ETFA: variants seen among roughly 807,000 people sequenced by gnomAD.
ETFA encodes electron transfer flavoprotein subunit alpha, mitochondrial.
Under a neutral mutation model 46.2 loss-of-function variants are expected in ETFA, and 22 were observed. That is an observed-to-expected ratio of 0.48 (90% CI 0.34 to 0.68). The LOEUF (loss-of-function observed/expected upper bound fraction) is 0.68. ETFA is among the 30% of genes least tolerant of loss of function. The pLI is 0.01. For synonymous variants in ETFA, 131 were observed against 139.9 expected, an observed-to-expected ratio of 0.94 and a Z score of 0.45; for missense variants, 345 against 401.1, an observed-to-expected ratio of 0.86 and a Z score of 1.19.
intron 9 of ETFA, chr15:76,259,457 C>T (rs1166795224): frequency 1.1e-5 from 10 of 950,568 alleles, no homozygotes; most frequent in Admixed American, 8.5e-5. Context: ...ACTCTGGAAG[C>T]TGTTTCAGGT....
chr15:76,264,106 CACTCTTCCTTT>C (rs1324452964), intron 9 of ETFA, among the ~76,000 whole-genome samples: 1 of 152,206 alleles, frequency 6.6e-6, no homozygotes, highest in African/African-American at 2.4e-5. Context: ...CTAATTGGGC[CACTCTTCCTTT>C]TAAGTTTTAA....
rs773628079 is a variant in ETFA at position 76,286,467 on chromosome 15, T to C, written c.466A>G (p.Thr156Ala). The C allele has an allele frequency of 4.4e-5, 70 of 1,609,046 alleles. No homozygotes were observed. The highest frequency in any genetic ancestry group is 6.0e-5 in the Non-Finnish European group (70 of 1,175,506). The part of the protein sequence containing the change: ...RTIYAGNALC[T>A]VKCDEKVKVF... ...TTCACTTTCTCATCACACTTCACTG[T>C]ACATAGAGCATTTCCTGAAACATAC... is the stretch of plus-strand genomic sequence containing the variant. The change falls in exon 6 of 12, where the codon ACA becomes GCA. Residue 156 changes from threonine to alanine, a missense_variant. Physicochemically the swap from Thr to Ala is moderately conservative, Grantham distance 58. Transcript: ENST00000557943.
chr15:76,227,820 C>T, intron 10 of ETFA: 1 of 456,056 alleles, frequency 2.2e-6, no homozygotes, highest in South Asian at 1.5e-5. Flanking sequence ...CTGTGTATTT[C>T]CCTTAGAGGG....
At chr15:76,248,509 T>C (rs567642668) in intron 9 of ETFA, among the ~76,000 whole-genome samples, 1 of 152,052 alleles carries the variant, frequency 6.6e-6, no homozygotes, top group African/African-American at 2.4e-5. Flanking sequence ...ACACAAAAAA[T>C]ACATATCAAA....
intron 4 of ETFA, among the ~76,000 whole-genome samples, chr15:76,291,454 A>AC (rs1252947896): frequency 6.7e-6 from 1 of 149,372 alleles, no homozygotes. Context: ...TCGAAAAAAA[A>AC]AAAAAAAAAA....
chr15:76,269,743 T>A (rs1411217209), intron 9 of ETFA, among the ~76,000 whole-genome samples: 2 of 152,126 alleles, frequency 1.3e-5, no homozygotes, highest in Non-Finnish European at 2.9e-5. Context: ...AACACATTCC[T>A]AAAACTCTCA....
chr15:76,289,657 T>C (rs941322472), intron 4 of ETFA, among the ~76,000 whole-genome samples: 8 of 152,212 alleles, frequency 5.3e-5, no homozygotes, highest in African/African-American at 1.7e-4. Context: ...TGAGTTCTTT[T>C]TGTGCATAAA....
intron 9 of ETFA, among the ~76,000 whole-genome samples, chr15:76,262,862 AAAT>A (rs952616989): frequency 1.3e-5 from 2 of 152,154 alleles, no homozygotes; most frequent in African/African-American, 4.8e-5. Flanking sequence ...GGAACAATAC[AAAT>A]AATGGCTGAG....
intron 11 of ETFA, among the ~76,000 whole-genome samples, chr15:76,217,160 A>C (rs2038905005): frequency 6.6e-6 from 1 of 152,064 alleles, no homozygotes; most frequent in African/African-American, 2.4e-5. Flanking sequence ...TCAAGAAGGC[A>C]CCCTAGAAAC....
intron 11 of ETFA, among the ~76,000 whole-genome samples, chr15:76,218,294 T>C (rs373982851): frequency 1.9e-4 from 29 of 152,252 alleles, no homozygotes; most frequent in African/African-American, 5.8e-4. Flanking sequence ...CAAGACAGAG[T>C]TTTGCTCTTG....
chr15:76,233,686 G>A (rs2039093138), intron 9 of ETFA, among the ~76,000 whole-genome samples: 1 of 152,154 alleles, frequency 6.6e-6, no homozygotes, highest in Non-Finnish European at 1.5e-5. Context: ...CATTCATAAA[G>A]GGACATTTGT....
intron 8 of ETFA, among the ~76,000 whole-genome samples, chr15:76,281,281 A>G (rs2141525013): frequency 6.6e-6 from 1 of 152,268 alleles, no homozygotes; most frequent in African/African-American, 2.4e-5. Flanking sequence ...CTGGGATTCC[A>G]GGCATGAGCC....
At chr15:76,271,992 G>A (rs975562990) in intron 9 of ETFA, among the ~76,000 whole-genome samples, 1 of 151,596 alleles carries the variant, frequency 6.6e-6, no homozygotes, top group African/African-American at 2.4e-5. Context: ...TTATGTCAAA[G>A]TCTTCAAAGC....
chr15:76,272,673 C>G (rs1407263099), intron 9 of ETFA, among the ~76,000 whole-genome samples: 3 of 151,864 alleles, frequency 2.0e-5, no homozygotes, highest in Non-Finnish European at 2.9e-5. Flanking sequence ...ACCTGCAGTC[C>G]CAGCCACTCA....
Position 76,274,463 on chromosome 15 carries a change from G to A in ETFA, c.765C>T (p.Gly255=). 6.2e-7 allele frequency: 1 copy of A among 1,611,812 alleles called. No individual in the cohort carries two copies. The highest frequency in any genetic ancestry group is 8.5e-7 in the Non-Finnish European group (1 of 1,178,700). ...CAACTTGCATGTCATTGGGAACAAA[G>A]CCAGCATCAACAGCAGCACGGGAAG... ...VGASRAAVDA[G]FVPNDMQVGQ... The change falls in exon 9 of 12, where the codon GGC becomes GGT. Residue 255 remains glycine, a synonymous_variant. Transcript: ENST00000557943.
intron 1 of ETFA, among the ~76,000 whole-genome samples, chr15:76,301,529 A>C (rs771815676): frequency 5.3e-5 from 8 of 152,176 alleles, no homozygotes; most frequent in Non-Finnish European, 1.0e-4. Context: ...TGGTCAGTAG[A>C]GTGAAACCCC....
rs547014052 is a variant in ETFA, at chr15:76,267,085, A to C, written c.816+7327T>G. Reference sequence around the variant, plus strand: ...AACAGTAAATGCTCCCTGTTCAAAGAAGCATTGGAGGAACTTCCATCAATT... The same window carrying C: ...AACAGTAAATGCTCCCTGTTCAAAGCAGCATTGGAGGAACTTCCATCAATT... On this transcript the variant is annotated intron_variant, in intron 9 of 11. Coordinates refer to ENST00000557943, the MANE Select transcript of ETFA (RefSeq NM_000126.4). Among the ~76,000 whole-genome samples, 463 of 152,352 alleles carry C rather than the reference A, an allele frequency of 3.0e-3. 1 individual carries two copies. The highest frequency in any genetic ancestry group is 0.011 in the African/African-American group (449 of 41,588).
At chr15:76,236,457 CAT>C (rs1345147943) in intron 9 of ETFA, among the ~76,000 whole-genome samples, 1 of 152,168 alleles carries the variant, frequency 6.6e-6, no homozygotes, top group East Asian at 1.9e-4. Flanking sequence ...CCAAAATAAT[CAT>C]AGAACAAACT....
intron 8 of ETFA, among the ~76,000 whole-genome samples, chr15:76,279,914 G>A (rs965692199): frequency 2.1e-4 from 31 of 149,586 alleles, no homozygotes; most frequent in Non-Finnish European, 3.3e-4. Context: ...AAGAGACAAA[G>A]TCTCATTCTG....
Sources: allele counts gnomAD v4.1 joint callset (sites outside exome capture counted in the v4.1 genomes callset), GRCh38; gene constraint gnomAD v4.1.1; transcripts MANE v1.5; gene names NCBI Gene and HGNC (gene_info 2026-07-23, HGNC 2026-07-21).